GUCY1A2: variants seen among roughly 807,000 people sequenced by gnomAD.
GUCY1A2 encodes the protein guanylate cyclase 1 soluble subunit alpha 2, also known as guanylate cyclase soluble subunit alpha-2.
GUCY1A2 carries 27 observed loss-of-function variants against 63.5 expected under a neutral mutation model. The observed-to-expected ratio is 0.43, with a 90% CI of 0.31 to 0.59. The LOEUF is 0.59. Among genes scored for constraint, GUCY1A2 ranks in the 20% least tolerant of loss-of-function variants. The pLI is 0.11. For missense variants in GUCY1A2, 768 were observed against 913.3 expected (o/e 0.84, Z 2.05); for synonymous variants, 364 against 343.5 (o/e 1.06, Z -0.66).
chr11:106,688,498 G>A (rs930500657), intron 7 of GUCY1A2, among the ~76,000 whole-genome samples: 2 of 152,086 alleles, frequency 1.3e-5, no homozygotes, highest in Non-Finnish European at 2.9e-5. Context: ...TAATTCAACA[G>A]CTCTTGATAG....
At chr11:106,799,432 T>C (rs1039900609) in intron 5 of GUCY1A2, among the ~76,000 whole-genome samples, 3 of 152,026 alleles carry the variant, frequency 2.0e-5, no homozygotes, top group African/African-American at 7.2e-5. Context: ...AGAGCCCTCA[T>C]AGCCAAGACA....
intron 6 of GUCY1A2, among the ~76,000 whole-genome samples, chr11:106,761,314 A>C (rs1239975795): frequency 6.6e-6 from 1 of 152,196 alleles, no homozygotes; most frequent in Non-Finnish European, 1.5e-5. Context: ...AAATTTCCTA[A>C]GCTACTATAT....
chr11:106,986,433 C>T (rs538725968), intron 1 of GUCY1A2, among the ~76,000 whole-genome samples: 5 of 152,050 alleles, frequency 3.3e-5, no homozygotes, highest in Non-Finnish European at 7.4e-5. Context: ...TACAATAAAC[C>T]CAGGCCCTGG....
At chr11:106,899,880 C>T (rs541604394) in intron 4 of GUCY1A2, among the ~76,000 whole-genome samples, 1 of 151,924 alleles carries the variant, frequency 6.6e-6, no homozygotes, top group Non-Finnish European at 1.5e-5. Flanking sequence ...GTCAGGAGAT[C>T]GAGACCATCC....
intron 2 of GUCY1A2, 78 bp from the exon 3 acceptor site, chr11:106,978,818 G>C: frequency 1.1e-6 from 1 of 871,844 alleles, no homozygotes. Flanking sequence ...ACACGCACAA[G>C]CACACGCAGT....
chr11:106,779,756 G>A lies in GUCY1A2; in HGVS notation c.1693-3174C>T, dbSNP rs566407199. ...TATATGTTGCATTTTCTCCTTAGGA[G>A]TATGTACTCTAATTGCATAGAAAAG... On this transcript the variant is annotated intron_variant, in intron 5 of 7. Coordinates refer to ENST00000526355, the MANE Select transcript of GUCY1A2 (RefSeq NM_000855.3). Among the ~76,000 whole-genome samples the A allele has an allele frequency of 1.1e-4, 17 of 152,308 alleles. 1 individual carries two copies. In the South Asian group the frequency reaches 3.5e-3, roughly 32 times the overall value.
chr11:106,984,513 A>G (rs1298006371), intron 2 of GUCY1A2, among the ~76,000 whole-genome samples: 1 of 152,230 alleles, frequency 6.6e-6, no homozygotes, highest in Non-Finnish European at 1.5e-5. Flanking sequence ...TCACATTATA[A>G]GAGTCCCACT....
At chr11:106,979,899 G>A (rs1296667287) in intron 2 of GUCY1A2, among the ~76,000 whole-genome samples, 1 of 147,662 alleles carries the variant, frequency 6.8e-6, no homozygotes, top group Non-Finnish European at 1.5e-5. Flanking sequence ...GTGAGGAGTT[G>A]GCCTAGGAAG....
chr11:106,787,415 G>GTTGTT (rs1555032099), intron 5 of GUCY1A2, among the ~76,000 whole-genome samples: 1 of 135,964 alleles, frequency 7.4e-6, no homozygotes, highest in Admixed American at 7.6e-5. Context: ...GCCTTACTTT[G>GTTGTT]TTTTTTTTTT....
At chr11:106,741,329 T>A (rs1420142063) in intron 6 of GUCY1A2, among the ~76,000 whole-genome samples, 1 of 152,184 alleles carries the variant, frequency 6.6e-6, no homozygotes, top group Non-Finnish European at 1.5e-5. Context: ...TCTAAAGTAT[T>A]CAATAGTCAC....
At chr11:106,733,673 C>T (rs1326477087) in intron 6 of GUCY1A2, among the ~76,000 whole-genome samples, 1 of 151,568 alleles carries the variant, frequency 6.6e-6, no homozygotes, top group Non-Finnish European at 1.5e-5. Flanking sequence ...AAGTACTGAG[C>T]GAGCTGACCG....
At chr11:106,908,814 AAAG>A (rs1393112919) in intron 4 of GUCY1A2, among the ~76,000 whole-genome samples, 1 of 152,088 alleles carries the variant, frequency 6.6e-6, no homozygotes, top group Non-Finnish European at 1.5e-5. Flanking sequence ...AATTACATTT[AAAG>A]AAAACAAAAA....
chr11:106,750,478 A>C (rs1863863706), intron 6 of GUCY1A2, among the ~76,000 whole-genome samples: 1 of 152,118 alleles, frequency 6.6e-6, no homozygotes, highest in South Asian at 2.1e-4. Context: ...ATTAACCATC[A>C]CAACAAAACA....
rs894893580 is a variant in GUCY1A2, at chr11:106,675,994, T to A, written c.*11555A>T. 1.6e-5 allele frequency: 3 copies of A among 189,522 alleles called. No individual in the cohort carries two copies. The highest frequency in any genetic ancestry group is 4.7e-5 in the African/African-American group (2 of 42,936). The allele number at this position is 189,522 out of a possible 1,614,324, so 11.7% of individuals were successfully genotyped here. On this transcript the variant is annotated 3_prime_UTR_variant, in exon 8 of 8. Transcript: ENST00000526355. ...AGAAATGAGAACCAAAATTCAAGGG[T>A]ATTTAACTCATTGAAGCATATCTTT... is the stretch of plus-strand genomic sequence containing the variant.
At chr11:106,871,618 C>A (rs2135464681) in intron 4 of GUCY1A2, among the ~76,000 whole-genome samples, 1 of 152,248 alleles carries the variant, frequency 6.6e-6, no homozygotes, top group African/African-American at 2.4e-5. Flanking sequence ...ATAATGACCT[C>A]ACCTTAAGGT....
intron 3 of GUCY1A2, among the ~76,000 whole-genome samples, chr11:106,962,272 C>G (rs1339478907): frequency 6.6e-6 from 1 of 152,064 alleles, no homozygotes; most frequent in Admixed American, 6.6e-5. Context: ...GTATATGGGG[C>G]TGGGTGTGGT....
rs1565282247 is a variant in GUCY1A2 at position 106,764,969 on chromosome 11, T to TGG, written c.1836+11469_1836+11470insCC. ...AACGAAACTTACTTTGCAGATTTTTTTGGGGGGGGGTTGGGGGGCAGGAAT... is the reference window on the plus strand; with the variant it reads ...AACGAAACTTACTTTGCAGATTTTTTGGTGGGGGGGGGTTGGGGGGCAGGAAT... On this transcript the variant is annotated intron_variant, in intron 6 of 7. Coordinates refer to ENST00000526355, the MANE Select transcript of GUCY1A2 (RefSeq NM_000855.3). 2.4e-4 allele frequency among the ~76,000 whole-genome samples: 7 copies of TGG among 28,870 alleles called. No homozygotes were observed. In the East Asian group the frequency reaches 4.6e-3, roughly 19 times the overall value. The allele number at this position is 28,870 out of a possible 152,430, so 18.9% of individuals were successfully genotyped here.
rs538811851 is a variant in GUCY1A2, at chr11:106,887,986, A to C, written c.1206+51474T>G. 3.3e-5 allele frequency among the ~76,000 whole-genome samples: 5 copies of C among 152,288 alleles called. 1 individual carries two copies. The highest frequency in any genetic ancestry group is 1.2e-4 in the African/African-American group (5 of 41,558). On this transcript the variant is annotated intron_variant, in intron 4 of 7. Coordinates refer to ENST00000526355, the MANE Select transcript of GUCY1A2 (RefSeq NM_000855.3). Reference sequence around the variant, plus strand: ...CTAGAGTCCTACCTAGTTCTTTACCAGTCTTTGAAGGTTATTACCACAGTG... The same window carrying C: ...CTAGAGTCCTACCTAGTTCTTTACCCGTCTTTGAAGGTTATTACCACAGTG...
intron 4 of GUCY1A2, among the ~76,000 whole-genome samples, chr11:106,816,846 T>A (rs1384125009): frequency 6.6e-6 from 1 of 151,590 alleles, no homozygotes; most frequent in African/African-American, 2.4e-5. Flanking sequence ...AATTTGACAG[T>A]TTAAATGAAC....
Sources: allele counts gnomAD v4.1 joint callset (sites outside exome capture counted in the v4.1 genomes callset), GRCh38; gene constraint gnomAD v4.1.1; transcripts MANE v1.5; gene names NCBI Gene and HGNC (gene_info 2026-07-23, HGNC 2026-07-21).